The following RMND5A variants were observed in gnomAD, a reference collection of about 807,000 sequenced individuals.
RMND5A encodes E3 ubiquitin-protein transferase RMND5A.
RMND5A carries 17 observed loss-of-function variants against 49.7 expected under a neutral mutation model. The observed-to-expected ratio is 0.34, with a 90% CI of 0.23 to 0.51. The LOEUF is 0.51. Ranked by LOEUF, RMND5A falls within the 20% of genes least tolerant of loss-of-function variation. RMND5A has a pLI of 0.96. For synonymous variants in RMND5A, 156 were observed against 167.7 expected, an observed-to-expected ratio of 0.93 and a Z score of 0.54; for missense variants, 255 against 471.3, an observed-to-expected ratio of 0.54 and a Z score of 4.25.
intron 2 of RMND5A, among the ~76,000 whole-genome samples, chr2:86,743,344 A>G (rs1681482473): frequency 1.4e-5 from 2 of 147,940 alleles, no homozygotes. Context: ...ATTTTAATTT[A>G]CTCATTGCTC....
At chr2:86,759,182 C>T (rs930703126) in intron 4 of RMND5A, among the ~76,000 whole-genome samples, 7 of 152,118 alleles carry the variant, frequency 4.6e-5, no homozygotes, top group Admixed American at 2.6e-4. Flanking sequence ...TGTTAGGTTC[C>T]TGAGGGAGAA....
chr2:86,764,773 A>G (rs1672562669), intron 4 of RMND5A, among the ~76,000 whole-genome samples: 1 of 152,204 alleles, frequency 6.6e-6, no homozygotes, highest in Non-Finnish European at 1.5e-5. Context: ...CAGATGCATC[A>G]TGTGACACAT....
chr2:86,771,351 G>A, intron 7 of RMND5A: 1 of 467,670 alleles, frequency 2.1e-6, no homozygotes. Flanking sequence ...TTTACACTTT[G>A]TCAGCTTTCT....
At chr2:86,749,868 G>C (rs1681603329) in intron 2 of RMND5A, among the ~76,000 whole-genome samples, 1 of 152,194 alleles carries the variant, frequency 6.6e-6, no homozygotes, top group South Asian at 2.1e-4. Context: ...TAGAGATAGG[G>C]TAGATAGCTG....
intron 7 of RMND5A, 72 bp downstream of exon 7, chr2:86,770,197 C>G: frequency 9.3e-7 from 1 of 1,072,228 alleles, no homozygotes. Flanking sequence ...AAATGTTCAT[C>G]TTACCTTTTA....
At chr2:86,764,887 G>C (rs560636231) in intron 4 of RMND5A, 140 bp from the exon 5 acceptor site, 1 of 696,258 alleles carries the variant, frequency 1.4e-6, no homozygotes, top group South Asian at 2.2e-5. Context: ...CAAAGGTCTG[G>C]GCCCTAGGGA....
chr2:86,752,227 C>G (rs1208455691), intron 3 of RMND5A, among the ~76,000 whole-genome samples, 197 bp downstream of exon 3: 1 of 152,126 alleles, frequency 6.6e-6, no homozygotes, highest in Non-Finnish European at 1.5e-5. Context: ...AGTTCTAGAA[C>G]TTGTTATCCA....
intron 4 of RMND5A, among the ~76,000 whole-genome samples, chr2:86,762,672 A>C (rs1364731831): frequency 1.5e-5 from 2 of 134,422 alleles, no homozygotes; most frequent in East Asian, 2.3e-4. Flanking sequence ...TTTTATATAT[A>C]TATATATCAT....
intron 1 of RMND5A, among the ~76,000 whole-genome samples, chr2:86,725,367 A>G (rs1418955075): frequency 7.1e-6 from 1 of 140,702 alleles, no homozygotes; most frequent in Non-Finnish European, 1.5e-5. Flanking sequence ...TCACAGACAT[A>G]AATGCCAGTC....
rs991401486 is a variant in RMND5A at position 86,777,480 on chromosome 2, T to G, written c.*4069T>G. On this transcript the variant is annotated 3_prime_UTR_variant, in exon 9 of 9. Coordinates refer to ENST00000283632, the MANE Select transcript of RMND5A (RefSeq NM_022780.4). Reference sequence around the variant, plus strand: ...CACCTAGCAAGGAACAGGTGTTTGATGTATTTTGCTCATGACTGCAGTATG... The same window carrying G: ...CACCTAGCAAGGAACAGGTGTTTGAGGTATTTTGCTCATGACTGCAGTATG... The G allele has an allele frequency of 6.6e-6, 1 of 152,194 alleles. No individual in the cohort carries two copies. The highest frequency in any genetic ancestry group is 1.5e-5 in the Non-Finnish European group (1 of 68,032). 9.4% of individuals were successfully genotyped at this position (152,194 alleles called of 1,614,324 possible).
At chr2:86,761,604 C>G (rs976748183) in intron 4 of RMND5A, among the ~76,000 whole-genome samples, 6 of 152,086 alleles carry the variant, frequency 3.9e-5, no homozygotes, top group Non-Finnish European at 7.4e-5. Context: ...AAGTCCCTTG[C>G]CTTGTACAAT....
chr2:86,773,280 C>A, intron 8 of RMND5A, 68 bp from the exon 9 acceptor site: 1 of 816,554 alleles, frequency 1.2e-6, no homozygotes, highest in Non-Finnish European at 2.1e-6. Context: ...TACTCTATAA[C>A]TAGATAAAAA....
At chr2:86,756,653 G>T (rs1681745776) in intron 4 of RMND5A, among the ~76,000 whole-genome samples, 1 of 152,194 alleles carries the variant, frequency 6.6e-6, no homozygotes, top group Non-Finnish European at 1.5e-5. Flanking sequence ...GCTAGGTACA[G>T]AAAATTCCCT....
Position 86,773,461 on chromosome 2 carries a change from A to G in RMND5A, c.*50A>G. The G allele has an allele frequency of 8.5e-7, 1 of 1,176,126 alleles. No homozygotes were observed. The highest frequency in any genetic ancestry group is 1.3e-6 in the Non-Finnish European group (1 of 781,938). 72.9% of individuals were successfully genotyped at this position (1,176,126 alleles called of 1,614,324 possible). A position where few individuals can be genotyped will look rare whatever the true frequency, so the allele number is the denominator to read the frequency against. On this transcript the variant is annotated 3_prime_UTR_variant, in exon 9 of 9. Coordinates refer to ENST00000283632, the MANE Select transcript of RMND5A (RefSeq NM_022780.4). ...GTAAGTGAAACTGAATCGTGGGTGC[A>G]TTTCAGAAGAGAACGTTCCATATAA...
intron 3 of RMND5A, 140 bp downstream of exon 3, chr2:86,752,170 AT>A: frequency 1.4e-6 from 1 of 735,652 alleles, no homozygotes; most frequent in Non-Finnish European, 2.1e-6. Context: ...AGATGACCTC[AT>A]TTTACTAGGA....
intron 8 of RMND5A, among the ~76,000 whole-genome samples, chr2:86,772,225 G>A (rs1368689146): frequency 3.3e-5 from 5 of 152,144 alleles, no homozygotes; most frequent in Non-Finnish European, 7.4e-5. Context: ...CGAGGCAGGC[G>A]GATCACGAGG....
chr2:86,749,443 G>T (rs1681595351), intron 2 of RMND5A, among the ~76,000 whole-genome samples: 1 of 151,454 alleles, frequency 6.6e-6, no homozygotes. Context: ...AGGCTGGAGT[G>T]CAATGGCGTG....
chr2:86,764,227 ATAAT>A (rs1672554564), intron 4 of RMND5A, among the ~76,000 whole-genome samples: 1 of 152,242 alleles, frequency 6.6e-6, no homozygotes, highest in African/African-American at 2.4e-5. Context: ...GTCAAATTAA[ATAAT>A]ATAATGCTAA....
Position 86,720,610 on chromosome 2 carries a change from C to T in RMND5A, c.-58C>T, listed in dbSNP as rs1374913010. 8 of 1,461,926 alleles carry T rather than the reference C, an allele frequency of 5.5e-6. No homozygotes were observed. The highest frequency in any genetic ancestry group is 1.3e-5 in the South Asian group (1 of 77,228). 90.6% of individuals were successfully genotyped at this position (1,461,926 alleles called of 1,614,324 possible). A position where few individuals can be genotyped will look rare whatever the true frequency, so the allele number is the denominator to read the frequency against. On this transcript the variant is annotated 5_prime_UTR_variant, in exon 1 of 9. Coordinates refer to ENST00000283632, the MANE Select transcript of RMND5A (RefSeq NM_022780.4). ...AGCAGGACGCGGCCTCGGTGGGGCC[C>T]GGGCCGAACGGCTGCGGACACCTGG...
Sources: gnomAD v4.1 joint callset for allele counts (sites outside exome capture counted in the v4.1 genomes callset) on GRCh38, gnomAD v4.1.1 for gene constraint, MANE v1.5 for transcripts, NCBI Gene and HGNC (gene_info 2026-07-23, HGNC 2026-07-21) for gene names.